Variants in WNK2 observed in about 807,000 individuals in gnomAD.
The protein encoded by WNK2 is WNK lysine deficient protein kinase 2, also known as serine/threonine-protein kinase WNK2.
Under a neutral mutation model 192.1 loss-of-function variants are expected in WNK2, and 67 were observed. The ratio of observed to expected loss-of-function variants is 0.35; its 90% CI spans 0.29 to 0.43. WNK2 has a LOEUF of 0.43. Among genes scored for constraint, WNK2 ranks in the 20% least tolerant of loss-of-function variants. The pLI is 1.00. For synonymous variants in WNK2, 1,439 were observed against 1,393.9 expected (o/e 1.03, Z -0.72); for missense variants, 2,698 against 3,089.7 (o/e 0.87, Z 3.01).
intron 14 of WNK2, among the ~76,000 whole-genome samples, chr9:93,263,036 G>A (rs1218566661): frequency 6.6e-6 from 1 of 152,196 alleles, no homozygotes; most frequent in African/African-American, 2.4e-5. Flanking sequence ...GAGGGGGCTG[G>A]GAGGGTGGCC....
At chr9:93,317,677 T>C in intron 29 of WNK2, 46 bp downstream of exon 29, 1 of 1,588,280 alleles carries the variant, frequency 6.3e-7, no homozygotes, top group Non-Finnish European at 8.6e-7. Context: ...GCGCTGCCTC[T>C]GGGTCAGTAC....
At position 93,289,306 on chromosome 9, in the gene WNK2, C is replaced by T. The variant is rs570121640; in HGVS notation, c.4552C>T (p.Pro1518Ser). The change falls in exon 20 of 30, where the codon CCC becomes TCC. Residue 1518 changes from proline (P) to serine (S), a missense_variant. Physicochemically the swap from Pro to Ser is moderately conservative, Grantham distance 74 (BLOSUM62 -1). Coordinates refer to ENST00000427277, the MANE Select transcript of WNK2 (RefSeq NM_006648.4). ...GGCCACCTCCCAGCTCCCAAGCCCA[C>T]CCCTGGGGCCCACCGTCCCCCCACA... ...SLATSQLPSP[P>S]LGPTVPPQPP... The T allele has an allele frequency of 1.9e-6, 3 of 1,599,024 alleles. No individual in the cohort carries two copies. Among genetic ancestry groups the T allele is most frequent in the African/African-American group, 1.3e-5 (1 of 74,732 alleles).
intron 23 of WNK2, among the ~76,000 whole-genome samples, chr9:93,297,128 G>A (rs1445702604): frequency 1.9e-5 from 2 of 102,770 alleles, no homozygotes; most frequent in African/African-American, 7.8e-5. Flanking sequence ...TCCCCTCGGC[G>A]TCCTCCCCTC....
intron 19 of WNK2, among the ~76,000 whole-genome samples, chr9:93,269,211 T>TCTGCACCTGCAC (rs10673428): frequency 2.7e-5 from 4 of 150,846 alleles, no homozygotes; most frequent in Non-Finnish European, 4.4e-5. Flanking sequence ...TGTGCATTGA[T>TCTGCACCTGCAC]CTGCACCTGC....
At position 93,262,555 on chromosome 9, in the gene WNK2, G is replaced by T. The variant is rs895226243; in HGVS notation, c.3361-115G>T. 3 of 1,151,216 alleles carry T rather than the reference G, an allele frequency of 2.6e-6. No homozygotes were observed. The African/African-American group carries it at 4.6e-5, about 17-fold the overall frequency. The allele number at this position is 1,151,216 out of a possible 1,614,324, so 71.3% of individuals were successfully genotyped here. ...CTGCAGAAGAGAGCAGGAGAACGCA[G>T]CGGGGCAGGCTGGGCTGAGGAAGTG... On this transcript the variant is annotated intron_variant, in intron 13 of 29. Transcript: ENST00000427277.
At chr9:93,205,488 T>C (rs1181617137) in intron 2 of WNK2, among the ~76,000 whole-genome samples, 1 of 152,074 alleles carries the variant, frequency 6.6e-6, no homozygotes, top group Non-Finnish European at 1.5e-5. Context: ...GCCTCTGTCA[T>C]CTCCCCCATC....
chr9:93,235,863 A>G (rs1588092108), intron 5 of WNK2, among the ~76,000 whole-genome samples: 1 of 152,212 alleles, frequency 6.6e-6, no homozygotes, highest in Admixed American at 6.5e-5. Context: ...CAGCAGCTGC[A>G]CAGCCTCACT....
intron 19 of WNK2, among the ~76,000 whole-genome samples, chr9:93,281,104 G>C (rs1013719513): frequency 2.0e-5 from 3 of 152,162 alleles, no homozygotes; most frequent in African/African-American, 7.2e-5. Flanking sequence ...CAGACACAAG[G>C]TTCACAAGGA....
chr9:93,231,180 T>A, intron 4 of WNK2, 72 bp downstream of exon 4: 1 of 1,475,008 alleles, frequency 6.8e-7, no homozygotes, highest in East Asian at 2.3e-5. Context: ...CTGGCGAGCA[T>A]CCAGTTTTGT....
chr9:93,238,336 A>C lies in WNK2; in HGVS notation c.1322+15A>C. The C allele has an allele frequency of 6.2e-7, 1 of 1,611,964 alleles. No homozygotes were observed. Among genetic ancestry groups the C allele is most frequent in the Non-Finnish European group, 8.5e-7 (1 of 1,178,100 alleles). On this transcript the variant is annotated intron_variant, in intron 6 of 29. Transcript: ENST00000427277. ...AAGGAGGAAAGGTGAGTTCCCCTGA[A>C]GGGCTGGGTTCTGGGGTCCATCTCC...
chr9:93,191,817 G>A (rs764578869), intron 2 of WNK2, among the ~76,000 whole-genome samples: 7 of 152,076 alleles, frequency 4.6e-5, no homozygotes, highest in Non-Finnish European at 8.8e-5. Context: ...TTGAGGTCAA[G>A]AGTTTGAAAC....
intron 2 of WNK2, among the ~76,000 whole-genome samples, chr9:93,225,442 G>A (rs1837646492): frequency 6.6e-6 from 1 of 152,146 alleles, no homozygotes; most frequent in Non-Finnish European, 1.5e-5. Context: ...GATTAAAATA[G>A]TCGTGTGGTG....
chr9:93,214,593 C>A (rs1267169612), intron 2 of WNK2, among the ~76,000 whole-genome samples: 1 of 151,942 alleles, frequency 6.6e-6, no homozygotes, highest in Non-Finnish European at 1.5e-5. Context: ...CATGAGCCAC[C>A]ACGCCTGGCC....
rs374760765 is a variant in WNK2 at position 93,287,854 on chromosome 9, A to T, written c.4034-934A>T. On this transcript the variant is annotated intron_variant, in intron 19 of 29. Transcript: ENST00000427277. Reference sequence around the variant, plus strand: ...GGCCAGCGGATTGCTTGAGCCCAGGAGTACAAGACCAGCCTGGGCAACATG... The same window carrying T: ...GGCCAGCGGATTGCTTGAGCCCAGGTGTACAAGACCAGCCTGGGCAACATG... Among the ~76,000 whole-genome samples the T allele has an allele frequency of 2.9e-4, 44 of 152,290 alleles. No individual in the cohort carries two copies. The East Asian group carries it at 8.1e-3, about 28-fold the overall frequency.
chr9:93,248,605 C>T (rs143255476), intron 8 of WNK2, among the ~76,000 whole-genome samples: 8 of 152,310 alleles, frequency 5.3e-5, no homozygotes, highest in African/African-American at 1.9e-4. Context: ...GACCTCCCAT[C>T]CCCCGTAGTA....
chr9:93,194,965 A>T (rs1312970721), intron 2 of WNK2, among the ~76,000 whole-genome samples: 1 of 151,962 alleles, frequency 6.6e-6, no homozygotes, highest in African/African-American at 2.4e-5. Context: ...AAGGCTGCAT[A>T]TTGTATGATT....
At chr9:93,199,948 G>C (rs1178206143) in intron 2 of WNK2, among the ~76,000 whole-genome samples, 1 of 150,864 alleles carries the variant, frequency 6.6e-6, no homozygotes, top group Non-Finnish European at 1.5e-5. Context: ...TAGGATGGGG[G>C]GGCAGCGGTT....
At chr9:93,317,964 AG>A in intron 29 of WNK2, 1 of 1,612,472 alleles carries the variant, frequency 6.2e-7, no homozygotes, top group South Asian at 1.1e-5. Flanking sequence ...CTCAGCCGCG[AG>A]GGGGACAGCG....
intron 19 of WNK2, among the ~76,000 whole-genome samples, chr9:93,282,188 C>G (rs2133612521): frequency 6.6e-6 from 1 of 152,196 alleles, no homozygotes; most frequent in African/African-American, 2.4e-5. Context: ...TTAAAGGGCT[C>G]CAGGATTCCA....
Sources: allele counts gnomAD v4.1 joint callset (sites outside exome capture counted in the v4.1 genomes callset), GRCh38; gene constraint gnomAD v4.1.1; transcripts MANE v1.5; gene names NCBI Gene and HGNC (gene_info 2026-07-23, HGNC 2026-07-21).